Variants in LDB2 observed in about 807,000 individuals in gnomAD.
The protein encoded by LDB2 is LIM domain binding 2, also known as LIM domain-binding protein 2.
LDB2 carries 12 observed loss-of-function variants against 44.3 expected under a neutral mutation model. That is an observed-to-expected ratio of 0.27 (90% CI 0.17 to 0.44). LDB2 has a LOEUF of 0.44. Ranked by LOEUF, LDB2 falls within the 20% of genes least tolerant of loss-of-function variation. LDB2 has a pLI of 1.00. For synonymous variants in LDB2, 164 were observed against 174.8 expected (o/e 0.94, Z 0.49); for missense variants, 344 against 473.5 (o/e 0.73, Z 2.54).
chr4:16,729,257 GA>G (rs1040714799), intron 2 of LDB2, among the ~76,000 whole-genome samples: 6 of 152,168 alleles, frequency 3.9e-5, no homozygotes, highest in African/African-American at 1.4e-4. Context: ...TGCTGTGAAT[GA>G]CGCTTGTCAT....
At chr4:16,876,580 G>C (rs898332053) in intron 1 of LDB2, among the ~76,000 whole-genome samples, 8 of 152,076 alleles carry the variant, frequency 5.3e-5, no homozygotes, top group African/African-American at 1.9e-4. Context: ...CTTCACTTTT[G>C]CATTTACTGA....
chr4:16,547,706 C>T (rs1195730817), intron 5 of LDB2, among the ~76,000 whole-genome samples: 1 of 152,094 alleles, frequency 6.6e-6, no homozygotes, highest in Non-Finnish European at 1.5e-5. Context: ...GAGGGAGGGG[C>T]CCAGCACCCA....
chr4:16,787,104 T>C (rs1035766148), intron 1 of LDB2, among the ~76,000 whole-genome samples: 2 of 152,196 alleles, frequency 1.3e-5, no homozygotes, highest in African/African-American at 4.8e-5. Flanking sequence ...TTTGTTTTGT[T>C]TTTTTGGCTG....
At position 16,674,678 on chromosome 4, in the gene LDB2, C is replaced by T. The variant is rs1316936683; in HGVS notation, c.236-78803G>A. Among the ~76,000 whole-genome samples, 3 of 152,176 alleles carry T rather than the reference C, an allele frequency of 2.0e-5. No homozygotes were observed. In the East Asian group the frequency reaches 5.8e-4, roughly 29 times the overall value. ...TCCCCAATTTACGCATTTTCTATTA[C>T]ATCAGTTGGGATCTATGAATACATG... On this transcript the variant is annotated intron_variant, in intron 2 of 7. Coordinates refer to ENST00000304523, the MANE Select transcript of LDB2 (RefSeq NM_001290.5).
chr4:16,728,307 A>G (rs1319109284), intron 2 of LDB2, among the ~76,000 whole-genome samples: 1 of 152,186 alleles, frequency 6.6e-6, no homozygotes, highest in Non-Finnish European at 1.5e-5. Context: ...GTCCCTCAAG[A>G]GGCTCAAAGA....
At chr4:16,594,931 T>A (rs991881455) in intron 3 of LDB2, among the ~76,000 whole-genome samples, 1 of 152,244 alleles carries the variant, frequency 6.6e-6, no homozygotes, top group Non-Finnish European at 1.5e-5. Flanking sequence ...TTGTTCTTAC[T>A]AATTTTCCTA....
chr4:16,520,364 A>C (rs1298337617), intron 5 of LDB2, among the ~76,000 whole-genome samples: 1 of 152,152 alleles, frequency 6.6e-6, no homozygotes, highest in Non-Finnish European at 1.5e-5. Context: ...ACAGGCATCC[A>C]CATGACTAAA....
chr4:16,684,301 G>A (rs1313545556), intron 2 of LDB2, among the ~76,000 whole-genome samples: 3 of 152,154 alleles, frequency 2.0e-5, no homozygotes, highest in South Asian at 2.1e-4. Context: ...CGGAAATTTC[G>A]TGTGAGTTTT....
At chr4:16,558,585 T>C (rs1325738593) in intron 5 of LDB2, among the ~76,000 whole-genome samples, 1 of 152,192 alleles carries the variant, frequency 6.6e-6, no homozygotes, top group East Asian at 1.9e-4. Context: ...TACGTCTGAT[T>C]GGTGTACCTG....
chr4:16,782,474 C>T lies in LDB2; in HGVS notation c.133-23214G>A, dbSNP rs1217813390. 2.6e-5 allele frequency among the ~76,000 whole-genome samples: 4 copies of T among 152,076 alleles called. 1 individual carries two copies. In the South Asian group the frequency reaches 8.3e-4, roughly 32 times the overall value. The stretch of plus-strand genomic sequence containing the variant: ...CAGGTGATTCTCCTGCCTCAGCCTC[C>T]CAGGTAGCTGGTATTACAGGTGTGT... On this transcript the variant is annotated intron_variant, in intron 1 of 7. Transcript: ENST00000304523.
At chr4:16,530,681 C>T (rs1729842514) in intron 5 of LDB2, among the ~76,000 whole-genome samples, 1 of 152,210 alleles carries the variant, frequency 6.6e-6, no homozygotes, top group Non-Finnish European at 1.5e-5. Context: ...CTTTGAGGTA[C>T]AGAACCTTCC....
At chr4:16,539,815 C>T (rs920146001) in intron 5 of LDB2, among the ~76,000 whole-genome samples, 1 of 152,098 alleles carries the variant, frequency 6.6e-6, no homozygotes, top group African/African-American at 2.4e-5. Context: ...TCCATGTGTT[C>T]CCCTACATTT....
At chr4:16,537,371 T>C (rs1577471993) in intron 5 of LDB2, among the ~76,000 whole-genome samples, 1 of 152,346 alleles carries the variant, frequency 6.6e-6, no homozygotes, top group Non-Finnish European at 1.5e-5. Flanking sequence ...AGTACAGATC[T>C]ACTGCTCTCT....
At chr4:16,570,811 A>G (rs991508880) in intron 5 of LDB2, among the ~76,000 whole-genome samples, 1 of 152,160 alleles carries the variant, frequency 6.6e-6, no homozygotes, top group Non-Finnish European at 1.5e-5. Context: ...GCAAATATTT[A>G]TTGTATGCTT....
chr4:16,504,199 A>C (rs1180238051), intron 7 of LDB2, among the ~76,000 whole-genome samples: 1 of 152,204 alleles, frequency 6.6e-6, no homozygotes, highest in African/African-American at 2.4e-5. Context: ...AGCTTTGCCC[A>C]GAGAAGGCCT....
At chr4:16,681,900 A>G (rs190484076) in intron 2 of LDB2, among the ~76,000 whole-genome samples, 81 of 152,224 alleles carry the variant, frequency 5.3e-4, no homozygotes, top group African/African-American at 1.8e-3. Flanking sequence ...ACATACATTG[A>G]TTCCAGTTCT....
At chr4:16,717,951 C>A (rs1757437008) in intron 2 of LDB2, among the ~76,000 whole-genome samples, 1 of 152,076 alleles carries the variant, frequency 6.6e-6, no homozygotes, top group East Asian at 1.9e-4. Context: ...TAATCAGAAG[C>A]TCTATTTTTC....
intron 1 of LDB2, among the ~76,000 whole-genome samples, chr4:16,857,944 G>A (rs1478408776): frequency 7.1e-6 from 1 of 140,608 alleles, no homozygotes; most frequent in Admixed American, 7.0e-5. Context: ...CTAAAATAAT[G>A]CCTGGGACTT....
chr4:16,698,146 C>T (rs537472803), intron 2 of LDB2, among the ~76,000 whole-genome samples: 2 of 152,224 alleles, frequency 1.3e-5, no homozygotes, highest in East Asian at 1.9e-4. Context: ...TTGCCTTGTA[C>T]AGTTTATTTT....
Sources: allele counts gnomAD v4.1 joint callset (sites outside exome capture counted in the v4.1 genomes callset), GRCh38; gene constraint gnomAD v4.1.1; transcripts MANE v1.5; gene names NCBI Gene and HGNC (gene_info 2026-07-23, HGNC 2026-07-21).